The following VSNL1 variants were observed in gnomAD, a reference collection of about 807,000 sequenced individuals.
VSNL1 encodes visinin like 1.
In VSNL1, 6 loss-of-function variants were observed where a neutral mutation model predicts 20.4. The observed-to-expected ratio is 0.29, with a 90% CI of 0.16 to 0.58. The LOEUF (loss-of-function observed/expected upper bound fraction) is 0.58. VSNL1 is among the 20% of genes least tolerant of loss of function. VSNL1 has a pLI of 0.90. For missense variants in VSNL1, 100 were observed against 234.5 expected (o/e 0.43, Z 3.75); for synonymous variants, 93 against 86.4 (o/e 1.08, Z -0.42).
intron 2 of VSNL1, among the ~76,000 whole-genome samples, chr2:17,638,951 C>T (rs544914001): frequency 6.6e-6 from 1 of 152,240 alleles, no homozygotes; most frequent in East Asian, 1.9e-4. Flanking sequence ...TCTCTGATGC[C>T]CTGGTGTGGC....
intron 2 of VSNL1, among the ~76,000 whole-genome samples, chr2:17,641,402 C>T (rs775764660): frequency 3.3e-5 from 5 of 152,188 alleles, no homozygotes; most frequent in African/African-American, 1.2e-4. Flanking sequence ...TAAAAACAAT[C>T]TTTCCAGTCT....
At chr2:17,575,932 A>G (rs967687225) in intron 1 of VSNL1, among the ~76,000 whole-genome samples, 1 of 152,210 alleles carries the variant, frequency 6.6e-6, no homozygotes, top group Non-Finnish European at 1.5e-5. Flanking sequence ...TTGTTACCAT[A>G]GAAACTTGTA....
intron 1 of VSNL1, among the ~76,000 whole-genome samples, chr2:17,590,496 A>G (rs776621853): frequency 2.0e-5 from 3 of 152,204 alleles, no homozygotes; most frequent in Non-Finnish European, 4.4e-5. Flanking sequence ...GACAAAGGGA[A>G]GAGTTGCTGA....
chr2:17,649,368 C>T lies in VSNL1; in HGVS notation c.163-42C>T, dbSNP rs1418232789. 2 of 1,600,228 alleles carry T rather than the reference C, an allele frequency of 1.2e-6. No homozygotes were observed. The highest frequency in any genetic ancestry group is 2.2e-5 in the East Asian group (1 of 44,794). ...GGAACCTACCTCGTCGCCCCGATTC[C>T]ATCCCCTCCCGACACCTGACTGCGC... On this transcript the variant is annotated intron_variant, in intron 2 of 3. Coordinates refer to ENST00000295156, the MANE Select transcript of VSNL1 (RefSeq NM_003385.5). The surrounding 1 kb of genome is among the most constrained non-coding windows in gnomAD (Gnocchi z 6.4).
intron 1 of VSNL1, among the ~76,000 whole-genome samples, chr2:17,560,074 G>C (rs937378837): frequency 6.6e-6 from 1 of 151,652 alleles, no homozygotes; most frequent in African/African-American, 2.4e-5. Context: ...TCTATGTTCA[G>C]TAGCAACCAA....
At chr2:17,567,934 G>A (rs2103353687) in intron 1 of VSNL1, among the ~76,000 whole-genome samples, 1 of 152,090 alleles carries the variant, frequency 6.6e-6, no homozygotes, top group South Asian at 2.1e-4. Context: ...TAAATACATT[G>A]CTGGATTCTA....
intron 2 of VSNL1, among the ~76,000 whole-genome samples, chr2:17,631,791 T>C (rs1488725739): frequency 6.6e-6 from 1 of 152,280 alleles, no homozygotes; most frequent in Non-Finnish European, 1.5e-5. Flanking sequence ...AATCTAGAGT[T>C]ATAAATATAC....
At chr2:17,618,308 T>C (rs62133578) in intron 2 of VSNL1, among the ~76,000 whole-genome samples, 8,169 of 152,290 alleles carry the variant, frequency 0.054, 257 homozygotes, top group East Asian at 0.092. Flanking sequence ...TCCATTCCCT[T>C]ACCTTTCTCA....
At chr2:17,572,311 A>C (rs2103357359) in intron 1 of VSNL1, among the ~76,000 whole-genome samples, 2 of 152,270 alleles carry the variant, frequency 1.3e-5, no homozygotes, top group Middle Eastern at 3.4e-3. Flanking sequence ...AGTTGGAGGC[A>C]CTTGTTTTTA....
intron 1 of VSNL1, among the ~76,000 whole-genome samples, chr2:17,565,085 A>G (rs1350361541): frequency 6.6e-6 from 1 of 152,208 alleles, no homozygotes; most frequent in Non-Finnish European, 1.5e-5. Context: ...TTCCTTTGAG[A>G]TGAACATGAT....
intron 2 of VSNL1, among the ~76,000 whole-genome samples, chr2:17,645,965 G>A (rs539369062): frequency 6.6e-6 from 1 of 152,276 alleles, no homozygotes; most frequent in African/African-American, 2.4e-5. Context: ...GACCACATGC[G>A]AATATTTTAA....
chr2:17,583,190 T>C (rs536026145), intron 1 of VSNL1, among the ~76,000 whole-genome samples: 3 of 152,264 alleles, frequency 2.0e-5, no homozygotes, highest in Admixed American at 2.0e-4. Context: ...ACTCACCCCC[T>C]CCACCAAATA....
intron 2 of VSNL1, among the ~76,000 whole-genome samples, chr2:17,620,886 AG>A (rs1394849951): frequency 6.6e-6 from 1 of 152,220 alleles, no homozygotes; most frequent in Non-Finnish European, 1.5e-5. Context: ...CTCACTGGGG[AG>A]GGCTAATTTG....
chr2:17,584,324 G>T (rs1007171819), intron 1 of VSNL1, among the ~76,000 whole-genome samples: 1 of 152,122 alleles, frequency 6.6e-6, no homozygotes, highest in African/African-American at 2.4e-5. Flanking sequence ...ATCAAGTATG[G>T]CTTGGGTCTA....
intron 1 of VSNL1, among the ~76,000 whole-genome samples, chr2:17,572,296 A>G (rs1379682086): frequency 1.3e-5 from 2 of 152,182 alleles, no homozygotes; most frequent in African/African-American, 4.8e-5. Context: ...TCCTATTTTC[A>G]TCTGAGTTGG....
At chr2:17,585,130 G>A (rs1161765741) in intron 1 of VSNL1, among the ~76,000 whole-genome samples, 1 of 152,124 alleles carries the variant, frequency 6.6e-6, no homozygotes. Context: ...ATGCTTATGG[G>A]GTGAAACCTC....
chr2:17,649,721 C>A lies in VSNL1; in HGVS notation c.378+96C>A. The A allele has an allele frequency of 2.5e-6, 3 of 1,179,594 alleles. No homozygotes were observed. Among genetic ancestry groups the A allele is most frequent in the Non-Finnish European group, 2.4e-6 (2 of 818,224 alleles). The allele number at this position is 1,179,594 out of a possible 1,614,324, so 73.1% of individuals were successfully genotyped here. On this transcript the variant is annotated intron_variant, in intron 3 of 3. Transcript: ENST00000295156. The surrounding 1 kb of genome is among the most constrained non-coding windows in gnomAD (Gnocchi z 6.4). ...GCCTTAGTGGCTTCTTCTCTCTCTG[C>A]TCGAGCCCTGCCAGCTGCACACCAC...
chr2:17,621,950 G>A (rs1665370344), intron 2 of VSNL1, among the ~76,000 whole-genome samples: 1 of 152,130 alleles, frequency 6.6e-6, no homozygotes, highest in Non-Finnish European at 1.5e-5. Flanking sequence ...TTCCAGGGGA[G>A]CGTCCTGATT....
intron 2 of VSNL1, among the ~76,000 whole-genome samples, chr2:17,623,774 T>A (rs1665441217): frequency 2.0e-5 from 3 of 152,190 alleles, no homozygotes; most frequent in African/African-American, 7.2e-5. Flanking sequence ...GATATCCAGT[T>A]GAATTTTTGT....
Sources: gnomAD v4.1 joint callset for allele counts (sites outside exome capture counted in the v4.1 genomes callset) on GRCh38, gnomAD v4.1.1 for gene constraint, Gnocchi (gnomAD v3.1) non-coding constraint, MANE v1.5 for transcripts, NCBI Gene and HGNC (gene_info 2026-07-23, HGNC 2026-07-21) for gene names.